Variants in BCL2L11 observed in about 807,000 individuals in gnomAD.
BCL2L11 encodes the protein bcl-2-like protein 11.
A neutral mutation model predicts 20.6 loss-of-function variants in BCL2L11; 15 were observed. The ratio of observed to expected loss-of-function variants is 0.73; its 90% confidence interval spans 0.49 to 1.12. The LOEUF is 1.12. Among genes scored for constraint, BCL2L11 ranks in the 50% most tolerant of loss-of-function variants. BCL2L11 has a pLI of 0.00. For synonymous variants in BCL2L11, 108 were observed against 92.8 expected, an observed-to-expected ratio of 1.16 and a Z score of -0.94; for missense variants, 292 against 260.9, an observed-to-expected ratio of 1.12 and a Z score of -0.82.
chr2:111,123,037 C>G, intron 1 of BCL2L11: 1 of 979,780 alleles, frequency 1.0e-6, no homozygotes, highest in Non-Finnish European at 1.2e-6. Context: ...CAGGCGTTCG[C>G]TTCGTCGCCC....
chr2:111,136,058 G>A (rs1054020898), intron 2 of BCL2L11, among the ~76,000 whole-genome samples: 1 of 152,192 alleles, frequency 6.6e-6, no homozygotes, highest in Non-Finnish European at 1.5e-5. Flanking sequence ...CTCTGGCCAC[G>A]CGGTGCTGTG....
At chr2:111,162,119 A>G (rs1056354021) in intron 3 of BCL2L11, among the ~76,000 whole-genome samples, 1 of 152,210 alleles carries the variant, frequency 6.6e-6, no homozygotes, top group Non-Finnish European at 1.5e-5. Context: ...GTCTTTTGCA[A>G]TACGGGCATA....
chr2:111,158,365 C>G (rs1241570002), intron 3 of BCL2L11, among the ~76,000 whole-genome samples: 2 of 152,084 alleles, frequency 1.3e-5, no homozygotes, highest in African/African-American at 4.8e-5. Flanking sequence ...CGTGACAGCC[C>G]CTGGGTATTC....
At position 111,140,260 on chromosome 2, in the gene BCL2L11, TA is replaced by T. The variant is rs920812500; in HGVS notation, c.395-9774del. 7.8e-4 allele frequency among the ~76,000 whole-genome samples: 118 copies of T among 150,444 alleles called. 4 individuals are homozygous for T. Among genetic ancestry groups the T allele is most frequent in the Middle Eastern group, 3.4e-3 (1 of 290 alleles). ...GTGAGATGGTTTTGAAGCTAAAATTTAAAAAAAAAATCATTTCAAGCTGATA... is the reference window on the plus strand; with the variant it reads ...GTGAGATGGTTTTGAAGCTAAAATTTAAAAAAAAATCATTTCAAGCTGATA... On this transcript the variant is annotated intron_variant, in intron 2 of 3. Coordinates refer to ENST00000393256, the MANE Select transcript of BCL2L11 (RefSeq NM_138621.5).
intron 2 of BCL2L11, among the ~76,000 whole-genome samples, chr2:111,124,867 TTTG>T (rs149584110): frequency 0.037 from 5,608 of 152,190 alleles, 359 homozygotes; most frequent in African/African-American, 0.13. Context: ...ATGAAAATGG[TTTG>T]TTTTCTGCCT....
chr2:111,141,756 T>C (rs2075858650), intron 2 of BCL2L11, among the ~76,000 whole-genome samples: 2 of 151,292 alleles, frequency 1.3e-5, no homozygotes, highest in Non-Finnish European at 2.9e-5. Context: ...TGGAGTGCAA[T>C]GGTGCCATCT....
At chr2:111,121,530 G>A (rs565509185) in intron 1 of BCL2L11, among the ~76,000 whole-genome samples, 1 of 152,322 alleles carries the variant, frequency 6.6e-6, no homozygotes, top group Admixed American at 6.5e-5. Context: ...CTGAGGACCT[G>A]CTCGTAGTAT....
intron 2 of BCL2L11, among the ~76,000 whole-genome samples, chr2:111,142,965 A>G (rs551688265): frequency 6.6e-6 from 1 of 152,330 alleles, no homozygotes; most frequent in Non-Finnish European, 1.5e-5. Context: ...AAAGGTCTCT[A>G]AAGCATTTTT....
At chr2:111,126,568 G>A (rs2072666517) in intron 2 of BCL2L11, among the ~76,000 whole-genome samples, 1 of 150,082 alleles carries the variant, frequency 6.7e-6, no homozygotes, top group African/African-American at 2.5e-5. Context: ...CCAGATGTGA[G>A]TTTCTTAAAT....
In BCL2L11 at chr2:111,124,436, G is replaced by A. The variant is rs112723198; in HGVS notation, c.394+297G>A. On this transcript the variant is annotated intron_variant, in intron 2 of 3. Transcript: ENST00000393256. ...CTCCAGAGTAGCTGGGACTACAGGC[G>A]CGTGCCACCACGCCCAGCTAATTTT... Among the ~76,000 whole-genome samples the A allele has an allele frequency of 6.0e-4, 92 of 152,094 alleles. 3 individuals are homozygous for A. The highest frequency in any genetic ancestry group is 2.0e-3 in the African/African-American group (84 of 41,480).
rs372164447 is a variant in BCL2L11, at chr2:111,164,219, G to T, written c.585G>T (p.Trp195Cys). Residue 195 changes from tryptophan (W) to cysteine (C), a missense_variant, in exon 4 of 4, where the codon TGG becomes TGT. Physicochemically the swap from Trp to Cys is radical, Grantham distance 215. Transcript: ENST00000393256. ...TACGTTACATTGTCCGCCTGGTGTG[G>T]AGAATGCATTGACAGGTTCTTTGCG... Reference protein sequence around the residue: ...RLLRYIVRLVWRMH With the variant: ...RLLRYIVRLVCRMH 3 of 1,611,030 alleles carry T rather than the reference G, an allele frequency of 1.9e-6. No individual in the cohort carries two copies. Among genetic ancestry groups the T allele is most frequent in the Admixed American group, 1.7e-5 (1 of 60,030 alleles).
intron 2 of BCL2L11, among the ~76,000 whole-genome samples, chr2:111,149,079 T>C (rs2076934306): frequency 6.6e-6 from 1 of 152,228 alleles, no homozygotes; most frequent in South Asian, 2.1e-4. Context: ...CACACGTGAA[T>C]AGCGGTGGAA....
chr2:111,129,482 A>G (rs1200859053), intron 2 of BCL2L11, among the ~76,000 whole-genome samples: 2 of 152,264 alleles, frequency 1.3e-5, no homozygotes, highest in Non-Finnish European at 2.9e-5. Context: ...ATGCATTTAT[A>G]GGAAATAATA....
chr2:111,126,400 G>A (rs552564235), intron 2 of BCL2L11, among the ~76,000 whole-genome samples: 1 of 152,136 alleles, frequency 6.6e-6, no homozygotes, highest in Non-Finnish European at 1.5e-5. Context: ...CTGCATTTCA[G>A]TAGATGGTGT....
At chr2:111,133,354 A>G (rs1395978273) in intron 2 of BCL2L11, among the ~76,000 whole-genome samples, 1 of 152,282 alleles carries the variant, frequency 6.6e-6, no homozygotes, top group Middle Eastern at 3.4e-3. Context: ...TAATGTACGC[A>G]TTTATTCAGC....
Position 111,124,094 on chromosome 2 carries a change from C to G in BCL2L11, c.349C>G (p.Pro117Ala). ...PMSCDKSTQT[P>A]SPPCQAFNHY... Reference sequence around the variant, plus strand: ...GAGTTGTGACAAATCAACACAAACCCCAAGTCCTCCTTGCCAGGCCTTCAA... The same window carrying G: ...GAGTTGTGACAAATCAACACAAACCGCAAGTCCTCCTTGCCAGGCCTTCAA... The change falls in exon 2 of 4, where the codon CCA (proline) becomes GCA (alanine). Residue 117 changes from proline to alanine, a missense_variant. Pro to Ala is a conservative substitution (Grantham distance 27). Coordinates refer to ENST00000393256, the MANE Select transcript of BCL2L11 (RefSeq NM_138621.5). The G allele has an allele frequency of 1.9e-6, 3 of 1,613,698 alleles. No individual in the cohort carries two copies. Among genetic ancestry groups the G allele is most frequent in the Non-Finnish European group, 2.5e-6 (3 of 1,179,900 alleles).
chr2:111,158,678 ATAGGTATACCT>A (rs1198082109), intron 3 of BCL2L11, among the ~76,000 whole-genome samples: 2 of 152,206 alleles, frequency 1.3e-5, no homozygotes, highest in Non-Finnish European at 2.9e-5. Flanking sequence ...TCAGAGTTCT[ATAGGTATACCT>A]TGTTTTTGAA....
intron 2 of BCL2L11, chr2:111,130,009 C>A: frequency 3.4e-6 from 1 of 294,666 alleles, no homozygotes; most frequent in Non-Finnish European, 6.8e-6. Context: ...CTTAGCTATT[C>A]ACCTGTTGAA....
chr2:111,153,652 G>A, intron 3 of BCL2L11: 1 of 1,126,150 alleles, frequency 8.9e-7, no homozygotes. Flanking sequence ...CTTTAGGATG[G>A]ATATTAACCT....
Sources: gnomAD v4.1 joint callset for allele counts (sites outside exome capture counted in the v4.1 genomes callset) on GRCh38, gnomAD v4.1.1 for gene constraint, MANE v1.5 for transcripts, NCBI Gene and HGNC (gene_info 2026-07-23, HGNC 2026-07-21) for gene names.